The following PTPRN2 variants were observed in gnomAD, a reference collection of about 807,000 sequenced individuals.
PTPRN2 encodes the protein protein tyrosine phosphatase receptor type N2, also known as receptor-type tyrosine-protein phosphatase N2.
In PTPRN2, 74 loss-of-function variants were observed where a neutral mutation model predicts 118.8. That is an observed-to-expected ratio of 0.62 (90% confidence interval 0.52 to 0.76). The LOEUF is 0.76. PTPRN2 is among the 30% of genes least tolerant of loss of function. The pLI, the probability that PTPRN2 is intolerant of heterozygous loss-of-function variation, is 0.00. For synonymous variants in PTPRN2, 641 were observed against 608.0 expected, an observed-to-expected ratio of 1.05 and a Z score of -0.80; for missense variants, 1,481 against 1,394.4, an observed-to-expected ratio of 1.06 and a Z score of -0.99.
At position 157,540,618 on chromosome 7, in the gene PTPRN2, T is replaced by C; in HGVS notation, c.*96A>G. 9.7e-7 allele frequency: 1 copy of C among 1,034,034 alleles called. No individual in the cohort carries two copies. The highest frequency in any genetic ancestry group is 1.5e-5 in the South Asian group (1 of 66,658). 64.1% of individuals were successfully genotyped at this position (1,034,034 alleles called of 1,614,324 possible). ...GGGAGAGCTAAGGGCCCTATTACTA[T>C]GCAGTTATAATAGAAGACACACAAT... On this transcript the variant is annotated 3_prime_UTR_variant, in exon 23 of 23. Coordinates refer to ENST00000389418, the MANE Select transcript of PTPRN2 (RefSeq NM_002847.5).
At chr7:158,025,880 C>A (rs562076170) in intron 11 of PTPRN2, among the ~76,000 whole-genome samples, 1 of 152,248 alleles carries the variant, frequency 6.6e-6, no homozygotes, top group African/African-American at 2.4e-5. Flanking sequence ...GTGGGATTTG[C>A]TCTTCCGTTT....
intron 2 of PTPRN2, among the ~76,000 whole-genome samples, chr7:158,319,527 T>TCACACACACAGACCCCCTCA (rs1802692193): frequency 2.9e-5 from 1 of 34,938 alleles, no homozygotes; most frequent in Non-Finnish European, 5.2e-5. Context: ...ACAGCCTCCC[T>TCACACACACAGACCCCCTCA]CACACACACA....
At position 157,672,870 on chromosome 7, in the gene PTPRN2, C is replaced by T. The variant is rs537417949; in HGVS notation, c.2001+9855G>A. Among the ~76,000 whole-genome samples, 5 of 152,278 alleles carry T rather than the reference C, an allele frequency of 3.3e-5. No homozygotes were observed. The South Asian group carries it at 6.2e-4, about 19-fold the overall frequency. ...CTTTACTGGCTAATGTAATCGTCTG[C>T]GAATCTTCCCATCTGTTCTTCAAGT... On this transcript the variant is annotated intron_variant, in intron 13 of 22. Transcript: ENST00000389418.
intron 2 of PTPRN2, among the ~76,000 whole-genome samples, chr7:158,329,827 C>T (rs906883006): frequency 1.1e-4 from 16 of 152,148 alleles, no homozygotes; most frequent in Admixed American, 1.0e-3. Context: ...GAGGCTGTGT[C>T]CTCTACGGAG....
Position 158,241,712 on chromosome 7 carries a change from C to A in PTPRN2, c.278-36439G>T, listed in dbSNP as rs1379076533. Among the ~76,000 whole-genome samples, 9 of 152,116 alleles carry A rather than the reference C, an allele frequency of 5.9e-5. No homozygotes were observed. The South Asian group carries it at 1.9e-3, about 32-fold the overall frequency. On this transcript the variant is annotated intron_variant, in intron 3 of 22. Transcript: ENST00000389418. ...TCTGTTCTGTTTTCTCATATCCTACCTGAATCTTATGATTGATTTTACAGC... is the reference window on the plus strand; with the variant it reads ...TCTGTTCTGTTTTCTCATATCCTACATGAATCTTATGATTGATTTTACAGC...
At chr7:158,441,206 G>GATCA (rs943104110) in intron 2 of PTPRN2, among the ~76,000 whole-genome samples, 1 of 117,996 alleles carries the variant, frequency 8.5e-6, no homozygotes, top group African/African-American at 2.7e-5. Context: ...TGGTGATGGT[G>GATCA]GTGGTGGTGA....
intron 11 of PTPRN2, among the ~76,000 whole-genome samples, chr7:157,928,893 G>C (rs1029216720): frequency 5.9e-5 from 9 of 151,450 alleles, no homozygotes; most frequent in Non-Finnish European, 1.2e-4. Flanking sequence ...AGGGAGGGCA[G>C]CACAGAAGGC....
chr7:158,293,182 C>A (rs1468956563), intron 3 of PTPRN2, among the ~76,000 whole-genome samples: 1 of 152,012 alleles, frequency 6.6e-6, no homozygotes, highest in Non-Finnish European at 1.5e-5. Flanking sequence ...GTGTGAAGGC[C>A]GAGGACATTA....
chr7:158,445,653 C>T (rs1390725467), intron 2 of PTPRN2, among the ~76,000 whole-genome samples: 1 of 152,232 alleles, frequency 6.6e-6, no homozygotes, highest in Non-Finnish European at 1.5e-5. Flanking sequence ...TGAACGCAGA[C>T]AGCCGCCTGC....
intron 11 of PTPRN2, among the ~76,000 whole-genome samples, chr7:157,917,365 A>C (rs758478902): frequency 1.3e-4 from 20 of 152,232 alleles, no homozygotes; most frequent in Non-Finnish European, 2.5e-4. Context: ...TCAATTTGTC[A>C]AACTCCACTC....
rs181923984 is a variant in PTPRN2 at position 158,136,713 on chromosome 7, G to A, written c.1133-18C>T. 6.5e-4 allele frequency: 1,052 copies of A among 1,613,006 alleles called. 6 individuals are homozygous for A. The African/African-American group carries it at 0.012, about 18-fold the overall frequency. On this transcript the variant is annotated intron_variant, in intron 7 of 22. Transcript: ENST00000389418. ...TCCGTCATCTGTAAAAGACACCAGTGTTACCAAGACCCTCATCAAGAATGT... is the reference window on the plus strand; with the variant it reads ...TCCGTCATCTGTAAAAGACACCAGTATTACCAAGACCCTCATCAAGAATGT...
At chr7:158,531,135 C>G (rs952193006) in intron 1 of PTPRN2, among the ~76,000 whole-genome samples, 6 of 152,176 alleles carry the variant, frequency 3.9e-5, no homozygotes, top group Non-Finnish European at 7.3e-5. Flanking sequence ...GATGAGGGAA[C>G]TGAATTTAAT....
At chr7:157,782,835 G>A (rs1036085822) in intron 12 of PTPRN2, among the ~76,000 whole-genome samples, 9 of 152,212 alleles carry the variant, frequency 5.9e-5, no homozygotes, top group East Asian at 1.9e-4. Context: ...TAGTAGAGGC[G>A]CTGGGATGAC....
At chr7:158,073,372 C>T (rs1240712077) in intron 11 of PTPRN2, among the ~76,000 whole-genome samples, 3 of 152,172 alleles carry the variant, frequency 2.0e-5, no homozygotes, top group Non-Finnish European at 4.4e-5. Context: ...TCCAGGTGCC[C>T]GGGGGAGGGT....
chr7:158,253,836 T>G (rs1796846896), intron 3 of PTPRN2, among the ~76,000 whole-genome samples: 1 of 152,120 alleles, frequency 6.6e-6, no homozygotes, highest in Non-Finnish European at 1.5e-5. Context: ...GCCGCTGGCA[T>G]CCATATTTAT....
At chr7:158,379,309 C>T (rs1471504797) in intron 2 of PTPRN2, among the ~76,000 whole-genome samples, 1 of 152,142 alleles carries the variant, frequency 6.6e-6, no homozygotes, top group Non-Finnish European at 1.5e-5. Flanking sequence ...TGCAACACGC[C>T]TCTGCAGCAG....
chr7:158,305,605 C>T (rs919341193), intron 3 of PTPRN2, among the ~76,000 whole-genome samples: 1 of 152,066 alleles, frequency 6.6e-6, no homozygotes, highest in Non-Finnish European at 1.5e-5. Context: ...TCCAGATGAA[C>T]GTTGAGGAGA....
intron 10 of PTPRN2, among the ~76,000 whole-genome samples, chr7:158,092,110 G>A (rs1814226518): frequency 1.3e-5 from 2 of 151,062 alleles, no homozygotes; most frequent in African/African-American, 2.4e-5. Flanking sequence ...GGTGATAGAT[G>A]GGTAGAGAGA....
At chr7:158,518,485 C>T (rs571886029) in intron 1 of PTPRN2, among the ~76,000 whole-genome samples, 3 of 152,218 alleles carry the variant, frequency 2.0e-5, no homozygotes, top group South Asian at 4.2e-4. Flanking sequence ...ACAGCCAAGC[C>T]GGGCCAGAAC....
Sources: gnomAD v4.1 joint callset for allele counts (sites outside exome capture counted in the v4.1 genomes callset) on GRCh38, gnomAD v4.1.1 for gene constraint, MANE v1.5 for transcripts, NCBI Gene and HGNC (gene_info 2026-07-23, HGNC 2026-07-21) for gene names.